Variants in ADAMTSL1 observed in about 807,000 individuals in gnomAD.
The protein encoded by ADAMTSL1 is ADAMTS like 1.
ADAMTSL1 carries 126 observed loss-of-function variants against 201.8 expected under a neutral mutation model. That is an observed-to-expected ratio of 0.62 (90% CI 0.54 to 0.72). The LOEUF (loss-of-function observed/expected upper bound fraction) is 0.72. Ranked by LOEUF, ADAMTSL1 falls within the 30% of genes least tolerant of loss-of-function variation. The pLI, the probability that ADAMTSL1 is intolerant of heterozygous loss-of-function variation, is 0.00. For missense variants in ADAMTSL1, 2,679 were observed against 2,277.8 expected (o/e 1.18, Z -3.59); for synonymous variants, 1,121 against 903.4 (o/e 1.24, Z -4.32).
intron 1 of ADAMTSL1, among the ~76,000 whole-genome samples, chr9:18,487,128 T>A (rs1383065367): frequency 6.6e-6 from 1 of 152,354 alleles, no homozygotes; most frequent in Admixed American, 6.5e-5. Context: ...TTCCTCAATT[T>A]ATCATTTTAT....
intron 15 of ADAMTSL1, among the ~76,000 whole-genome samples, chr9:18,735,552 G>C (rs1818451286): frequency 6.6e-6 from 1 of 152,094 alleles, no homozygotes. Context: ...CTCAGATGTG[G>C]AATGGACATT....
intron 4 of ADAMTSL1, among the ~76,000 whole-genome samples, chr9:18,584,328 A>C (rs532468564): frequency 1.3e-4 from 19 of 151,574 alleles, no homozygotes; most frequent in African/African-American, 3.6e-4. Context: ...GTCTGCCACC[A>C]TGTGAGATGT....
intron 2 of ADAMTSL1, among the ~76,000 whole-genome samples, chr9:18,188,370 T>C (rs1216101376): frequency 2.6e-5 from 4 of 152,238 alleles, no homozygotes; most frequent in Non-Finnish European, 1.5e-5. Flanking sequence ...TTCTATGGGG[T>C]CTTTCCTGTC....
At chr9:18,072,733 G>A (rs148421881) in intron 1 of ADAMTSL1, among the ~76,000 whole-genome samples, 28 of 152,266 alleles carry the variant, frequency 1.8e-4, no homozygotes, top group African/African-American at 4.3e-4. Flanking sequence ...GGCCCACTTC[G>A]TTTTGAAGGG....
chr9:18,708,043 G>A (rs1832331657), intron 14 of ADAMTSL1, among the ~76,000 whole-genome samples: 2 of 152,140 alleles, frequency 1.3e-5, no homozygotes, highest in Non-Finnish European at 2.9e-5. Flanking sequence ...TCTTTCCCTG[G>A]CTATTAGTAA....
At chr9:18,179,737 A>T (rs1427068549) in intron 2 of ADAMTSL1, among the ~76,000 whole-genome samples, 1 of 152,324 alleles carries the variant, frequency 6.6e-6, no homozygotes, top group African/African-American at 2.4e-5. Context: ...TCTTAAAGAA[A>T]AGAATTTTCA....
chr9:18,499,674 C>T (rs553260712), intron 1 of ADAMTSL1, among the ~76,000 whole-genome samples: 1 of 152,292 alleles, frequency 6.6e-6, no homozygotes, highest in South Asian at 2.1e-4. Flanking sequence ...AAGCTAAATG[C>T]TGTCTGTCTG....
chr9:18,747,914 C>T (rs1819239388), intron 15 of ADAMTSL1, among the ~76,000 whole-genome samples: 1 of 152,130 alleles, frequency 6.6e-6, no homozygotes. Context: ...GCTTAAAATC[C>T]AGTTAAAGTG....
At chr9:18,202,814 C>G (rs146988531) in intron 2 of ADAMTSL1, among the ~76,000 whole-genome samples, 2,313 of 152,126 alleles carry the variant, frequency 0.015, 62 homozygotes, top group African/African-American at 0.052. Context: ...ATAGACACAA[C>G]CTTAGGTTGA....
intron 1 of ADAMTSL1, among the ~76,000 whole-genome samples, chr9:18,043,502 G>T (rs1259293399): frequency 6.6e-6 from 1 of 152,078 alleles, no homozygotes; most frequent in Non-Finnish European, 1.5e-5. Flanking sequence ...AGTTATTGCA[G>T]TTCATTGAAA....
chr9:18,384,756 C>T (rs1043051370), intron 2 of ADAMTSL1, among the ~76,000 whole-genome samples: 7 of 152,128 alleles, frequency 4.6e-5, no homozygotes, highest in South Asian at 2.1e-4. Flanking sequence ...CTCCTCCACT[C>T]GTCACTACAG....
At chr9:18,514,575 C>T (rs1312115050) in intron 2 of ADAMTSL1, among the ~76,000 whole-genome samples, 1 of 152,130 alleles carries the variant, frequency 6.6e-6, no homozygotes. Flanking sequence ...CATGATCCGC[C>T]CGCCTCGGCC....
intron 4 of ADAMTSL1, among the ~76,000 whole-genome samples, chr9:18,589,173 G>T (rs1329246823): frequency 6.6e-6 from 1 of 151,778 alleles, no homozygotes; most frequent in Non-Finnish European, 1.5e-5. Flanking sequence ...TGCCACACCT[G>T]GTCTTGTTAA....
chr9:18,254,271 A>G (rs778228857), intron 2 of ADAMTSL1, among the ~76,000 whole-genome samples: 1 of 145,354 alleles, frequency 6.9e-6, no homozygotes, highest in Non-Finnish European at 1.5e-5. Context: ...ACATTTACGG[A>G]CGGGTGGCCA....
At chr9:18,801,372 C>A (rs773906487) in intron 20 of ADAMTSL1, among the ~76,000 whole-genome samples, 1 of 152,094 alleles carries the variant, frequency 6.6e-6, no homozygotes, top group Non-Finnish European at 1.5e-5. Flanking sequence ...CTATAAAGTT[C>A]TTTACCTTTT....
chr9:18,504,921 G>T lies in ADAMTSL1; in HGVS notation c.156G>T (p.Gly52=). 6.2e-7 allele frequency: 1 copy of T among 1,611,542 alleles called. No individual in the cohort carries two copies. Residue 52 remains glycine (G), a synonymous_variant, in exon 2 of 29, where the codon GGG becomes GGT. Coordinates refer to ENST00000380548, the MANE Select transcript of ADAMTSL1 (RefSeq NM_001040272.6). ...AATGCTCACGCACCTGCGGGGGTGG[G>T]GCCTCCTACTCTCTGAGGCGCTGCC... ...WSECSRTCGG[G]ASYSLRRCLS...
intron 3 of ADAMTSL1, among the ~76,000 whole-genome samples, chr9:18,561,441 C>T (rs1395371055): frequency 1.3e-5 from 2 of 152,136 alleles, no homozygotes; most frequent in African/African-American, 4.8e-5. Flanking sequence ...GAGTGTTTTA[C>T]TTCCAATTAT....
chr9:18,814,685 A>G (rs994226640), intron 20 of ADAMTSL1, among the ~76,000 whole-genome samples: 13 of 152,192 alleles, frequency 8.5e-5, no homozygotes, highest in African/African-American at 3.1e-4. Context: ...CTAAATGATG[A>G]GAACACGTGG....
At chr9:18,648,921 C>A (rs1370029369) in intron 7 of ADAMTSL1, among the ~76,000 whole-genome samples, 1 of 149,706 alleles carries the variant, frequency 6.7e-6, no homozygotes, top group Non-Finnish European at 1.5e-5. Flanking sequence ...TTTCCTGAAT[C>A]TGAATGTTGG....
Sources: gnomAD v4.1 joint callset for allele counts (sites outside exome capture counted in the v4.1 genomes callset) on GRCh38, gnomAD v4.1.1 for gene constraint, MANE v1.5 for transcripts, NCBI Gene and HGNC (gene_info 2026-07-23, HGNC 2026-07-21) for gene names.